The following UEVLD variants were observed in gnomAD, a reference collection of about 807,000 sequenced individuals.
The protein encoded by UEVLD is ubiquitin-conjugating enzyme E2 variant 3.
UEVLD carries 47 observed loss-of-function variants against 58.6 expected under a neutral mutation model. The ratio of observed to expected loss-of-function variants is 0.80; its 90% CI spans 0.63 to 1.02. The LOEUF is 1.02. Ranked by LOEUF, UEVLD falls within the 50% of genes least tolerant of loss-of-function variation. The probability of loss-of-function intolerance (pLI) is 0.00; values close to 1 mark genes in which losing one functional copy is unlikely to be tolerated. For missense variants in UEVLD, 510 were observed against 550.6 expected (o/e 0.93, Z 0.74); for synonymous variants, 197 against 195.3 (o/e 1.01, Z -0.07).
In UEVLD at chr11:18,530,622, C is replaced by T. The variant is rs1196637497; in HGVS notation, c.*1698G>A. On this transcript the variant is annotated 3_prime_UTR_variant, in exon 12 of 12. Coordinates refer to ENST00000396197, the MANE Select transcript of UEVLD (RefSeq NM_001040697.4). ...CTGGAGTGCAGTAGCATGATCATAG[C>T]TCATTGCAATCTTGAACTTCTGGGC... 1 of 152,412 alleles carries T rather than the reference C, an allele frequency of 6.6e-6. No individual in the cohort carries two copies. The highest frequency in any genetic ancestry group is 6.6e-5 in the Admixed American group (1 of 15,262). The allele number at this position is 152,412 out of a possible 1,614,324, so 9.4% of individuals were successfully genotyped here.
At chr11:18,575,323 CAT>C (rs1491281294) in intron 3 of UEVLD, 22 bp downstream of exon 3, 2 of 1,580,980 alleles carry the variant, frequency 1.3e-6, no homozygotes, top group Admixed American at 4.1e-5. Context: ...AAAACTCACA[CAT>C]TTTTTCAACT....
chr11:18,535,603 C>T (rs535657281), intron 10 of UEVLD, among the ~76,000 whole-genome samples: 3 of 152,228 alleles, frequency 2.0e-5, no homozygotes, highest in South Asian at 2.1e-4. Context: ...TGTTATATGA[C>T]GGTGAAACAA....
intron 1 of UEVLD, 63 bp downstream of exon 1, chr11:18,588,550 A>G (rs1292725692): frequency 6.3e-7 from 1 of 1,582,326 alleles, no homozygotes; most frequent in African/African-American, 1.3e-5. Flanking sequence ...CAACCTGGCC[A>G]AAGGCAGAGG....
In UEVLD at chr11:18,570,054, G is replaced by C. The variant is rs188573971; in HGVS notation, c.357+160C>G. The C allele has an allele frequency of 7.8e-5, 58 of 748,216 alleles. 1 individual carries two copies. The East Asian group carries it at 1.1e-3, about 15-fold the overall frequency. The allele number at this position is 748,216 out of a possible 1,614,324, so 46.3% of individuals were successfully genotyped here. On this transcript the variant is annotated intron_variant, in intron 4 of 11. Coordinates refer to ENST00000396197, the MANE Select transcript of UEVLD (RefSeq NM_001040697.4). ...GTTGTCATCAGGGTTCTGGGACTTG[G>C]GTAACCCTAGAGAGCTCAATTTCAA...
intron 7 of UEVLD, among the ~76,000 whole-genome samples, chr11:18,548,834 T>C (rs867177154): frequency 3.7e-4 from 56 of 152,352 alleles, no homozygotes; most frequent in African/African-American, 1.3e-3. Context: ...CTAGTGATGG[T>C]AGATCTAAAC....
At chr11:18,542,155 C>G (rs1851082024) in intron 9 of UEVLD, among the ~76,000 whole-genome samples, 1 of 152,002 alleles carries the variant, frequency 6.6e-6, no homozygotes, top group African/African-American at 2.4e-5. Flanking sequence ...TGAGAGCACA[C>G]AATAAACATT....
intron 9 of UEVLD, among the ~76,000 whole-genome samples, chr11:18,541,384 C>T (rs1384106519): frequency 6.6e-6 from 1 of 152,284 alleles, no homozygotes; most frequent in Middle Eastern, 3.4e-3. Flanking sequence ...CTTGTCTATA[C>T]ACAGAATATT....
chr11:18,560,090 TACACACACACACACAC>T (rs71050609), intron 6 of UEVLD, among the ~76,000 whole-genome samples: 3,440 of 76,170 alleles, frequency 0.045, 195 homozygotes, highest in African/African-American at 0.14. Flanking sequence ...ACCCCGTCTC[TACACACACACACACAC>T]ACACACACAC....
intron 7 of UEVLD, among the ~76,000 whole-genome samples, chr11:18,556,407 G>T (rs1032797752): frequency 2.0e-5 from 3 of 152,188 alleles, no homozygotes; most frequent in Admixed American, 2.0e-4. Flanking sequence ...GCAGCCGAAG[G>T]CTTACTAAAA....
chr11:18,588,480 TTTCAG>T, intron 1 of UEVLD, 128 bp downstream of exon 1: 5 of 1,102,482 alleles, frequency 4.5e-6, no homozygotes, highest in Non-Finnish European at 6.3e-6. Flanking sequence ...CCATAGCCGG[TTTCAG>T]ACCAGCCGCC....
At chr11:18,547,289 G>A (rs996716778) in intron 7 of UEVLD, among the ~76,000 whole-genome samples, 13 of 152,160 alleles carry the variant, frequency 8.5e-5, no homozygotes, top group African/African-American at 2.9e-4. Context: ...ACTTTGGGAG[G>A]CTGAGGCTGG....
chr11:18,550,745 C>T (rs1201577255), intron 7 of UEVLD, among the ~76,000 whole-genome samples: 2 of 152,216 alleles, frequency 1.3e-5, no homozygotes, highest in Non-Finnish European at 2.9e-5. Context: ...GTCTTTTTAT[C>T]TAAACTTTAA....
In UEVLD at chr11:18,534,458, G is replaced by A. The variant is rs796169333; in HGVS notation, c.1125-5C>T. 2.6e-6 allele frequency: 4 copies of A among 1,560,198 alleles called. No homozygotes were observed. In the African/African-American group the frequency reaches 4.2e-5, roughly 16 times the overall value. On this transcript the variant is annotated splice_region_variant and splice_polypyrimidine_tract_variant and intron_variant, in intron 10 of 11. Transcript: ENST00000396197. Reference sequence around the variant, plus strand: ...ACTCTTAGCAGTTCCATGGCTCTAGGTTACAAAAATACGTGATCTCAGAAA... The same window carrying A: ...ACTCTTAGCAGTTCCATGGCTCTAGATTACAAAAATACGTGATCTCAGAAA...
chr11:18,545,064 C>CTATATA (rs1398604778), intron 8 of UEVLD, among the ~76,000 whole-genome samples: 631 of 20,214 alleles, frequency 0.031, 10 homozygotes, highest in South Asian at 0.27. Context: ...ATATCTATAT[C>CTATATA]TATATCTATA....
intron 7 of UEVLD, among the ~76,000 whole-genome samples, chr11:18,549,786 G>A (rs1349639989): frequency 2.0e-5 from 3 of 151,582 alleles, no homozygotes; most frequent in Non-Finnish European, 4.4e-5. Context: ...AAGCTCTCGG[G>A]CCTTTTAATC....
intron 8 of UEVLD, among the ~76,000 whole-genome samples, chr11:18,545,198 G>C (rs1168561420): frequency 6.9e-6 from 1 of 145,372 alleles, no homozygotes; most frequent in Non-Finnish European, 1.5e-5. Context: ...TCAGCCTCCC[G>C]AGTAGCTGGG....
intron 11 of UEVLD, among the ~76,000 whole-genome samples, chr11:18,532,790 G>C (rs1857907): frequency 0.34 from 52,228 of 151,894 alleles, 10,142 homozygotes; most frequent in Non-Finnish European, 0.45. Context: ...TGGGGGCTAA[G>C]AAAAAAGATA....
At chr11:18,585,202 T>G (rs1853483069) in intron 1 of UEVLD, among the ~76,000 whole-genome samples, 1 of 152,200 alleles carries the variant, frequency 6.6e-6, no homozygotes, top group Admixed American at 6.6e-5. Context: ...CCTCTTCACT[T>G]TCTTCATGGT....
At chr11:18,542,150 G>A (rs895607313) in intron 9 of UEVLD, among the ~76,000 whole-genome samples, 15 of 151,872 alleles carry the variant, frequency 9.9e-5, no homozygotes, top group African/African-American at 3.6e-4. Context: ...ATATGTGAGA[G>A]CACACAATAA....
Sources: allele counts gnomAD v4.1 joint callset (sites outside exome capture counted in the v4.1 genomes callset), GRCh38; gene constraint gnomAD v4.1.1; transcripts MANE v1.5; gene names NCBI Gene and HGNC (gene_info 2026-07-23, HGNC 2026-07-21).